The following SCIN variants were observed in gnomAD, a reference collection of about 807,000 sequenced individuals.
SCIN encodes the protein scinderin.
Under a neutral mutation model 91.8 loss-of-function variants are expected in SCIN, and 91 were observed. The ratio of observed to expected loss-of-function variants is 0.99; its 90% CI spans 0.84 to 1.18. The LOEUF is 1.18. Among genes scored for constraint, SCIN ranks in the 50% most tolerant of loss-of-function variants. SCIN has a pLI of 0.00. For missense variants in SCIN, 1,087 were observed against 863.9 expected (o/e 1.26, Z -3.24); for synonymous variants, 367 against 312.6 (o/e 1.17, Z -1.84).
intron 3 of SCIN, among the ~76,000 whole-genome samples, chr7:12,599,372 T>A (rs1683669052): frequency 9.1e-6 from 1 of 109,562 alleles, no homozygotes; most frequent in African/African-American, 3.6e-5. Context: ...TCATGGTGAG[T>A]GTGTGTGTGT....
At chr7:12,606,501 A>G (rs557978397) in intron 4 of SCIN, among the ~76,000 whole-genome samples, 2 of 152,340 alleles carry the variant, frequency 1.3e-5, no homozygotes, top group South Asian at 4.1e-4. Flanking sequence ...TATTGCTTTA[A>G]TAATGCCCAG....
intron 1 of SCIN, chr7:12,577,532 A>G (rs991059284): frequency 4.4e-6 from 2 of 456,160 alleles, no homozygotes; most frequent in African/African-American, 4.0e-5. Context: ...TCTTTTTAAA[A>G]TTTTTAAAGG....
chr7:12,627,768 C>A (rs1783558496), intron 8 of SCIN, among the ~76,000 whole-genome samples: 1 of 152,140 alleles, frequency 6.6e-6, no homozygotes, highest in African/African-American at 2.4e-5. Context: ...CCTGCCAGAG[C>A]TCAGCCCTCC....
chr7:12,616,124 A>G (rs939446698), intron 4 of SCIN, among the ~76,000 whole-genome samples: 2 of 152,110 alleles, frequency 1.3e-5, no homozygotes, highest in Admixed American at 6.6e-5. Context: ...TATCCAACTT[A>G]GAGTACCAGA....
chr7:12,629,432 A>G (rs964316972), intron 9 of SCIN, among the ~76,000 whole-genome samples: 1 of 152,128 alleles, frequency 6.6e-6, no homozygotes, highest in Non-Finnish European at 1.5e-5. Context: ...AGATCATGCT[A>G]TCTAGTCTAG....
At chr7:12,627,732 C>G (rs889589271) in intron 8 of SCIN, among the ~76,000 whole-genome samples, 1 of 152,164 alleles carries the variant, frequency 6.6e-6, no homozygotes, top group African/African-American at 2.4e-5. Flanking sequence ...ACTTCTGGGT[C>G]TGCATCTGTC....
At chr7:12,587,335 T>C (rs1782608291) in intron 3 of SCIN, among the ~76,000 whole-genome samples, 1 of 152,202 alleles carries the variant, frequency 6.6e-6, no homozygotes, top group Admixed American at 6.5e-5. Flanking sequence ...ATATGTAATA[T>C]TGTAGCCTGG....
intron 4 of SCIN, among the ~76,000 whole-genome samples, chr7:12,615,743 A>T (rs1169091486): frequency 6.6e-6 from 1 of 152,020 alleles, no homozygotes; most frequent in African/African-American, 2.4e-5. Context: ...AATGTATAGC[A>T]TAGAAGTTAT....
At chr7:12,585,986 A>G (rs1782579184) in intron 3 of SCIN, among the ~76,000 whole-genome samples, 3 of 152,208 alleles carry the variant, frequency 2.0e-5, no homozygotes, top group Admixed American at 1.3e-4. Flanking sequence ...CCAGTGTCCC[A>G]GCCCTTTAGG....
chr7:12,638,642 G>A (rs949556306), intron 10 of SCIN, among the ~76,000 whole-genome samples: 1 of 152,112 alleles, frequency 6.6e-6, no homozygotes, highest in African/African-American at 2.4e-5. Flanking sequence ...ATAGAGAGAG[G>A]CAAGTTAGAC....
intron 3 of SCIN, among the ~76,000 whole-genome samples, chr7:12,597,218 A>G (rs1357293411): frequency 6.6e-6 from 1 of 152,220 alleles, no homozygotes; most frequent in Non-Finnish European, 1.5e-5. Flanking sequence ...GTTATCTCAC[A>G]AATCATTGTT....
intron 4 of SCIN, among the ~76,000 whole-genome samples, chr7:12,618,100 A>ACAGCATT (rs1783335347): frequency 1.3e-5 from 2 of 152,124 alleles, no homozygotes; most frequent in South Asian, 4.1e-4. Flanking sequence ...CCCCACTGCC[A>ACAGCATT]CAGCATTCCC....
At chr7:12,613,253 A>G (rs1362529732) in intron 4 of SCIN, among the ~76,000 whole-genome samples, 1 of 152,212 alleles carries the variant, frequency 6.6e-6, no homozygotes. Flanking sequence ...GGTCAAGTTC[A>G]TCTTATCCTT....
chr7:12,613,299 GC>G (rs759608427), intron 4 of SCIN, among the ~76,000 whole-genome samples: 7 of 152,034 alleles, frequency 4.6e-5, no homozygotes, highest in Non-Finnish European at 7.4e-5. Flanking sequence ...ATATAAAAGG[GC>G]CAGGTCTCTG....
chr7:12,593,793 C>G (rs1205490516), intron 3 of SCIN, among the ~76,000 whole-genome samples: 1 of 152,174 alleles, frequency 6.6e-6, no homozygotes, highest in Non-Finnish European at 1.5e-5. Context: ...TCCCAGGGAA[C>G]AGCAGCAGCT....
chr7:12,611,764 A>G (rs559440740), intron 4 of SCIN, among the ~76,000 whole-genome samples: 3 of 152,252 alleles, frequency 2.0e-5, no homozygotes, highest in South Asian at 2.1e-4. Flanking sequence ...AAATAAATAT[A>G]TAGCTAGGCT....
At chr7:12,650,948 G>T (rs1438449554) in intron 14 of SCIN, among the ~76,000 whole-genome samples, 2 of 152,110 alleles carry the variant, frequency 1.3e-5, no homozygotes, top group Non-Finnish European at 2.9e-5. Flanking sequence ...CTAGGAAATG[G>T]GGATAATGAC....
Position 12,578,194 on chromosome 7 carries a change from T to C in SCIN, c.330T>C (p.Tyr110=). 6.5e-7 allele frequency: 1 copy of C among 1,547,548 alleles called. No individual in the cohort carries two copies. Among genetic ancestry groups the C allele is most frequent in the Non-Finnish European group, 8.7e-7 (1 of 1,145,148 alleles). Reference sequence around the variant, plus strand: ...ATGAGTCTAATGACTTTGTTAGCTATTTCAAAGGCGGTCTGAAATACAAGG... The same window carrying C: ...ATGAGTCTAATGACTTTGTTAGCTACTTCAAAGGCGGTCTGAAATACAAGG... ...QGYESNDFVS[Y]FKGGLKYKAG... is the part of the protein sequence containing the mutation. Residue 110 remains tyrosine (Y), a synonymous_variant, in exon 2 of 16, where the codon TAT becomes TAC. Transcript: ENST00000297029.
Position 12,581,071 on chromosome 7 carries a change from G to C in SCIN, c.366G>C (p.Val122=), listed in dbSNP as rs1782477646. 1.3e-6 allele frequency: 2 copies of C among 1,550,920 alleles called. No homozygotes were observed. The highest frequency in any genetic ancestry group is 1.7e-6 in the Non-Finnish European group (2 of 1,146,608). The stretch of plus-strand genomic sequence containing the variant: ...CCCTCATTCATCAGGCTGGAGGCGT[G>C]GCATCTGGATTAAATCATGTTCTTA... The part of the protein sequence containing the change: ...KGGLKYKAGG[V]ASGLNHVLTN... Residue 122 remains valine, a synonymous_variant, in exon 3 of 16, where the codon GTG becomes GTC. Transcript: ENST00000297029.
Sources: allele counts gnomAD v4.1 joint callset (sites outside exome capture counted in the v4.1 genomes callset), GRCh38; gene constraint gnomAD v4.1.1; transcripts MANE v1.5; gene names NCBI Gene and HGNC (gene_info 2026-07-23, HGNC 2026-07-21).